Variants in CATSPER3 observed in about 807,000 individuals in gnomAD.
CATSPER3 encodes cation channel sperm associated 3, also known as cation channel sperm-associated protein 3.
A neutral mutation model predicts 36.6 loss-of-function variants in CATSPER3; 23 were observed. That is an observed-to-expected ratio of 0.63 (90% CI 0.45 to 0.89). The LOEUF (loss-of-function observed/expected upper bound fraction) is 0.89, where lower values mean the gene tolerates loss of function less well. Ranked by LOEUF, CATSPER3 falls within the 40% of genes least tolerant of loss-of-function variation. CATSPER3 has a pLI of 0.00. For missense variants in CATSPER3, 474 were observed against 503.9 expected, an observed-to-expected ratio of 0.94 and a Z score of 0.57; for synonymous variants, 172 against 184.1, an observed-to-expected ratio of 0.93 and a Z score of 0.53.
chr5:134,979,443 G>T (rs1580904269), intron 2 of CATSPER3, among the ~76,000 whole-genome samples: 2 of 152,180 alleles, frequency 1.3e-5, no homozygotes, highest in Non-Finnish European at 2.9e-5. Context: ...TGTTCTTAAA[G>T]AATTGTATTG....
intron 3 of CATSPER3, among the ~76,000 whole-genome samples, chr5:135,003,975 G>A (rs55981911): frequency 0.028 from 4,199 of 152,300 alleles, 214 homozygotes; most frequent in East Asian, 0.25. Context: ...CCCGCTGTCC[G>A]ACAAGCCCCA....
Position 134,996,229 on chromosome 5 carries a change from T to C in CATSPER3, c.253-44T>C, listed in dbSNP as rs375895306. ...AGGGAGCAGGCCAGAGCTCTAGGGC[T>C]GTGCAGCTCGATCTGACTTCTCCAA... On this transcript the variant is annotated intron_variant, in intron 2 of 7. Transcript: ENST00000282611. 7 of 1,613,852 alleles carry C rather than the reference T, an allele frequency of 4.3e-6. No homozygotes were observed. The African/African-American group carries it at 9.3e-5, about 22-fold the overall frequency.
chr5:134,978,965 G>T (rs1002510512), intron 2 of CATSPER3, among the ~76,000 whole-genome samples: 4 of 152,004 alleles, frequency 2.6e-5, no homozygotes, highest in Non-Finnish European at 4.4e-5. Context: ...CTTGTGATCT[G>T]CCCGCCTCGG....
chr5:134,999,913 C>T (rs1259885268), intron 3 of CATSPER3, among the ~76,000 whole-genome samples: 3 of 152,304 alleles, frequency 2.0e-5, no homozygotes, highest in Non-Finnish European at 4.4e-5. Context: ...TTTCTCCTGC[C>T]TGATTGCCCT....
At chr5:135,001,579 A>G (rs567807429) in intron 3 of CATSPER3, among the ~76,000 whole-genome samples, 1 of 152,208 alleles carries the variant, frequency 6.6e-6, no homozygotes, top group African/African-American at 2.4e-5. Context: ...GTCTCCCATT[A>G]TTATTGTGTG....
At position 135,009,567 on chromosome 5, in the gene CATSPER3, C is replaced by T. The variant is rs1340061359; in HGVS notation, c.936+77C>T. 1.4e-4 allele frequency: 32 copies of T among 236,246 alleles called. No homozygotes were observed. The African/African-American group carries it at 2.8e-3, about 21-fold the overall frequency. The allele number at this position is 236,246 out of a possible 1,614,324, so 14.6% of individuals were successfully genotyped here. On this transcript the variant is annotated intron_variant, in intron 6 of 7. Coordinates refer to ENST00000282611, the MANE Select transcript of CATSPER3 (RefSeq NM_178019.3). Reference sequence around the variant, plus strand: ...TGATGAGATGGCCAGGAGGAGGGGCCGTGGTGCCTGTGTAGAGAGCAGGTG... The same window carrying T: ...TGATGAGATGGCCAGGAGGAGGGGCTGTGGTGCCTGTGTAGAGAGCAGGTG...
chr5:134,979,184 T>C (rs2149546673), intron 2 of CATSPER3, among the ~76,000 whole-genome samples: 1 of 152,298 alleles, frequency 6.6e-6, no homozygotes, highest in East Asian at 1.9e-4. Flanking sequence ...TTACCCAGGC[T>C]GGAGTGCAGA....
chr5:134,997,968 A>G (rs956861669), intron 3 of CATSPER3, among the ~76,000 whole-genome samples: 8 of 152,198 alleles, frequency 5.3e-5, no homozygotes, highest in Admixed American at 2.6e-4. Flanking sequence ...ACACGTGCAC[A>G]ACGTGCAGGT....
intron 5 of CATSPER3, 64 bp downstream of exon 5, chr5:135,009,045 G>A: frequency 6.2e-7 from 1 of 1,610,088 alleles, no homozygotes; most frequent in South Asian, 1.1e-5. Context: ...TGTAGGGCAA[G>A]TCTCCAGGGA....
chr5:135,007,008 A>G (rs1752097707), intron 3 of CATSPER3, among the ~76,000 whole-genome samples: 1 of 152,080 alleles, frequency 6.6e-6, no homozygotes, highest in Non-Finnish European at 1.5e-5. Context: ...GGGCTCTTGG[A>G]CTGCCTCTGT....
chr5:135,006,866 T>C (rs1209218538), intron 3 of CATSPER3, among the ~76,000 whole-genome samples: 3 of 149,210 alleles, frequency 2.0e-5, no homozygotes, highest in Non-Finnish European at 4.4e-5. Flanking sequence ...ATAATAATAA[T>C]AATAAAATCT....
At chr5:135,003,491 G>A (rs1473349176) in intron 3 of CATSPER3, among the ~76,000 whole-genome samples, 2 of 152,210 alleles carry the variant, frequency 1.3e-5, no homozygotes, top group African/African-American at 2.4e-5. Context: ...GTCAGACAGG[G>A]AAATTTAAGT....
chr5:135,009,054 G>A lies in CATSPER3; in HGVS notation c.816+73G>A. 2.5e-6 allele frequency: 4 copies of A among 1,585,444 alleles called. No individual in the cohort carries two copies. In the Admixed American group the frequency reaches 5.0e-5, roughly 20 times the overall value. ...TGGAGCTGTAGGGCAAGTCTCCAGG[G>A]AGGACCTGGAGCTGTGTAGCTGTGT... On this transcript the variant is annotated intron_variant, in intron 5 of 7. Transcript: ENST00000282611.
chr5:134,971,875 A>G (rs893008057), intron 2 of CATSPER3, among the ~76,000 whole-genome samples: 1 of 152,226 alleles, frequency 6.6e-6, no homozygotes, highest in Non-Finnish European at 1.5e-5. Context: ...AAATCAAGCT[A>G]CTGCGTTTTT....
chr5:135,010,681 A>G lies in CATSPER3; in HGVS notation c.1094+151A>G, dbSNP rs375529934. 66 of 757,404 alleles carry G rather than the reference A, an allele frequency of 8.7e-5. 1 individual carries two copies. The East Asian group carries it at 1.2e-3, about 14-fold the overall frequency. The allele number at this position is 757,404 out of a possible 1,614,324, so 46.9% of individuals were successfully genotyped here. ...GGCTTTCTTGGGGTTACAGGATTCC[A>G]TATATACACAGGGGCTGGGCTGCTG... On this transcript the variant is annotated intron_variant, in intron 7 of 7. Coordinates refer to ENST00000282611, the MANE Select transcript of CATSPER3 (RefSeq NM_178019.3).
Position 134,996,491 on chromosome 5 carries a change from C to G in CATSPER3, c.471C>G (p.Ile157Met). Reference protein sequence around the residue: ...GMQSLRILKLIGYSQGIRTLI... With the variant: ...GMQSLRILKLMGYSQGIRTLI... ...AGTCCCTGCGCATCCTCAAGCTTAT[C>G]GGCTATAGCCAGGGCATCCGGGTGA... Residue 157 changes from isoleucine (I) to methionine (M), a missense_variant, in exon 3 of 8, where the codon ATC becomes ATG. Transcript: ENST00000282611. 1 of 1,614,170 alleles carries G rather than the reference C, an allele frequency of 6.2e-7. No individual in the cohort carries two copies. Among genetic ancestry groups the G allele is most frequent in the South Asian group, 1.1e-5 (1 of 91,078 alleles).
intron 5 of CATSPER3, among the ~76,000 whole-genome samples, 183 bp downstream of exon 5, chr5:135,009,164 C>G (rs1178311617): frequency 1.3e-5 from 2 of 152,210 alleles, no homozygotes; most frequent in African/African-American, 4.8e-5. Flanking sequence ...GTGCATTTGC[C>G]TTGCCTGCTG....
chr5:134,999,234 T>C (rs1053472024), intron 3 of CATSPER3, among the ~76,000 whole-genome samples: 1 of 152,276 alleles, frequency 6.6e-6, no homozygotes, highest in African/African-American at 2.4e-5. Context: ...AGTTGTGTGG[T>C]ATTATTTCTG....
chr5:134,968,555 A>T (rs1751561756), intron 1 of CATSPER3: 1 of 197,166 alleles, frequency 5.1e-6, no homozygotes. Flanking sequence ...GCCCGGAGTG[A>T]TGGTGTGCAC....
Sources: gnomAD v4.1 joint callset for allele counts (sites outside exome capture counted in the v4.1 genomes callset) on GRCh38, gnomAD v4.1.1 for gene constraint, MANE v1.5 for transcripts, NCBI Gene and HGNC (gene_info 2026-07-23, HGNC 2026-07-21) for gene names.